The following BICC1 variants were observed in gnomAD, a reference collection of about 807,000 sequenced individuals.
BICC1 encodes the protein BicC family RNA binding protein 1, also known as protein bicaudal C homolog 1.
A neutral mutation model predicts 111.0 loss-of-function variants in BICC1; 43 were observed. The ratio of observed to expected loss-of-function variants is 0.39; its 90% CI spans 0.30 to 0.50. The LOEUF (loss-of-function observed/expected upper bound fraction) is 0.50. Among genes scored for constraint, BICC1 ranks in the 20% least tolerant of loss-of-function variants. The probability of loss-of-function intolerance (pLI) is 0.88; values close to 1 mark genes in which losing one functional copy is unlikely to be tolerated. For synonymous variants in BICC1, 467 were observed against 434.4 expected (o/e 1.07, Z -0.93); for missense variants, 1,091 against 1,203.2 (o/e 0.91, Z 1.38).
chr10:58,633,216 C>G (rs1214040432), intron 2 of BICC1, among the ~76,000 whole-genome samples: 2 of 152,214 alleles, frequency 1.3e-5, no homozygotes, highest in Non-Finnish European at 2.9e-5. Flanking sequence ...CATTTGCCTT[C>G]CACCACGATT....
chr10:58,523,982 C>A (rs2131832777), intron 1 of BICC1, among the ~76,000 whole-genome samples: 1 of 152,154 alleles, frequency 6.6e-6, no homozygotes, highest in Admixed American at 6.5e-5. Flanking sequence ...ACCTAGGAAT[C>A]CAACGTACAA....
intron 14 of BICC1, among the ~76,000 whole-genome samples, chr10:58,801,908 T>A (rs1158325760): frequency 6.6e-6 from 1 of 152,162 alleles, no homozygotes; most frequent in East Asian, 1.9e-4. Context: ...CAGTTTTACT[T>A]CCTTGAAACT....
At chr10:58,551,206 G>T (rs1280367588) in intron 1 of BICC1, among the ~76,000 whole-genome samples, 2 of 152,140 alleles carry the variant, frequency 1.3e-5, no homozygotes, top group Non-Finnish European at 2.9e-5. Flanking sequence ...CATCTGGTAA[G>T]ATCTCAATGA....
intron 1 of BICC1, among the ~76,000 whole-genome samples, chr10:58,532,236 G>A (rs141292645): frequency 4.0e-5 from 6 of 151,666 alleles, no homozygotes; most frequent in East Asian, 3.9e-4. Flanking sequence ...TGGAAGCATC[G>A]CAGGACAGAG....
At chr10:58,745,220 G>A (rs577063265) in intron 3 of BICC1, among the ~76,000 whole-genome samples, 1 of 152,170 alleles carries the variant, frequency 6.6e-6, no homozygotes, top group South Asian at 2.1e-4. Flanking sequence ...TAAAGTCCTG[G>A]CTTAGGGGAT....
intron 1 of BICC1, among the ~76,000 whole-genome samples, chr10:58,617,672 C>T (rs1845663148): frequency 6.6e-6 from 1 of 152,260 alleles, no homozygotes; most frequent in African/African-American, 2.4e-5. Context: ...AAGGTGGTGA[C>T]ACCTACGGTA....
intron 1 of BICC1, among the ~76,000 whole-genome samples, chr10:58,610,713 G>A (rs925932279): frequency 6.6e-6 from 1 of 151,638 alleles, no homozygotes; most frequent in Non-Finnish European, 1.5e-5. Flanking sequence ...TTGAAAGTGG[G>A]TTTTGTTTTT....
intron 1 of BICC1, among the ~76,000 whole-genome samples, chr10:58,604,743 A>G (rs1845154423): frequency 6.6e-6 from 1 of 152,190 alleles, no homozygotes; most frequent in African/African-American, 2.4e-5. Flanking sequence ...TTTAGAAAAC[A>G]TAGTTGGAAT....
At chr10:58,717,138 C>T (rs189076513) in intron 3 of BICC1, among the ~76,000 whole-genome samples, 3 of 152,154 alleles carry the variant, frequency 2.0e-5, no homozygotes, top group African/African-American at 7.2e-5. Context: ...ACTTTTCGAA[C>T]TTGATAGCTA....
At chr10:58,790,809 A>G (rs961446473) in intron 8 of BICC1, among the ~76,000 whole-genome samples, 1 of 152,246 alleles carries the variant, frequency 6.6e-6, no homozygotes, top group African/African-American at 2.4e-5. Context: ...CAAAAATGAA[A>G]TAAATGAAAT....
intron 1 of BICC1, among the ~76,000 whole-genome samples, chr10:58,584,758 G>C (rs556735162): frequency 1.3e-5 from 2 of 151,250 alleles, no homozygotes; most frequent in African/African-American, 2.4e-5. Flanking sequence ...GGGTAAATTG[G>C]GATGAGTTCA....
At chr10:58,606,098 C>T (rs1845203176) in intron 1 of BICC1, among the ~76,000 whole-genome samples, 2 of 151,994 alleles carry the variant, frequency 1.3e-5, no homozygotes, top group South Asian at 4.2e-4. Flanking sequence ...GCCTGTTGGC[C>T]TGCTTCATCC....
At chr10:58,824,339 G>A (rs1844335267) in intron 20 of BICC1, among the ~76,000 whole-genome samples, 1 of 152,152 alleles carries the variant, frequency 6.6e-6, no homozygotes, top group African/African-American at 2.4e-5. Context: ...CTTGAATAGG[G>A]CAAAATAAAT....
chr10:58,614,522 C>T (rs1475248567), intron 1 of BICC1, among the ~76,000 whole-genome samples: 1 of 152,184 alleles, frequency 6.6e-6, no homozygotes, highest in Non-Finnish European at 1.5e-5. Flanking sequence ...GGCTTCTTGC[C>T]TGCTGTTTTC....
At chr10:58,735,734 A>G (rs915240111) in intron 3 of BICC1, among the ~76,000 whole-genome samples, 3 of 152,236 alleles carry the variant, frequency 2.0e-5, no homozygotes, top group African/African-American at 7.2e-5. Flanking sequence ...GAAATGTGAA[A>G]TATTTAAGAT....
rs747802543 is a variant in BICC1 at position 58,789,328 on chromosome 10, C to A, written c.667C>A (p.Pro223Thr). The A allele has an allele frequency of 7.4e-6, 12 of 1,613,856 alleles. No homozygotes were observed. In the East Asian group the frequency reaches 2.0e-4, roughly 27 times the overall value. ...TGGAATTCTTCAACCGGTTCCTGAT[C>A]CTAATTCCCCCTCTATTCAGCATAT... ...IAGILQPVPD[P>T]NSPSIQHISQ... The change falls in exon 7 of 21, where the codon CCT (proline) becomes ACT (threonine). Residue 223 changes from proline (P) to threonine (T), a missense_variant. By Grantham distance (38) the Pro-to-Thr change is conservative. This residue lies in a region of BICC1 where 843 missense variants were observed against 900.8 expected (regional missense o/e 0.94). Transcript: ENST00000373886.
intron 20 of BICC1, chr10:58,823,741 A>G (rs1279713145): frequency 5.3e-5 from 52 of 985,308 alleles, no homozygotes; most frequent in Non-Finnish European, 6.1e-5. Context: ...CCCGTGAGAA[A>G]ATGGAGGCCG....
intron 2 of BICC1, among the ~76,000 whole-genome samples, chr10:58,630,412 A>G (rs1394515610): frequency 6.6e-6 from 1 of 152,116 alleles, no homozygotes; most frequent in Non-Finnish European, 1.5e-5. Context: ...GATGCATCTC[A>G]GGTTCTTTTC....
intron 1 of BICC1, among the ~76,000 whole-genome samples, chr10:58,553,441 A>T (rs1440846349): frequency 6.6e-6 from 1 of 152,160 alleles, no homozygotes; most frequent in Non-Finnish European, 1.5e-5. Context: ...CCAAAAGTCA[A>T]GGAGACAGAT....
Sources: gnomAD v4.1 joint callset for allele counts (sites outside exome capture counted in the v4.1 genomes callset) on GRCh38, gnomAD v4.1.1 for gene constraint, gnomAD v4.1.1 regional missense constraint, MANE v1.5 for transcripts, NCBI Gene and HGNC (gene_info 2026-07-23, HGNC 2026-07-21) for gene names.